Variants in TSPEAR observed in about 807,000 individuals in gnomAD.
TSPEAR encodes the protein thrombospondin-type laminin G domain and EAR repeat-containing protein.
Under a neutral mutation model 71.6 loss-of-function variants are expected in TSPEAR, and 69 were observed. The ratio of observed to expected loss-of-function variants is 0.96; its 90% CI spans 0.79 to 1.18. The LOEUF is 1.18. TSPEAR is among the 50% of genes most tolerant of loss of function. The pLI, the probability that TSPEAR is intolerant of heterozygous loss-of-function variation, is 0.00. For missense variants in TSPEAR, 971 were observed against 894.9 expected, an observed-to-expected ratio of 1.09 and a Z score of -1.09; for synonymous variants, 402 against 387.2, an observed-to-expected ratio of 1.04 and a Z score of -0.45.
At chr21:44,675,806 T>C in intron 1 of TSPEAR, 1 of 571,380 alleles carries the variant, frequency 1.8e-6, no homozygotes, top group Non-Finnish European at 3.2e-6. Context: ...CGGCAAACCC[T>C]TCATGTATCA....
chr21:44,626,940 G>A (rs1982829277), intron 1 of TSPEAR, among the ~76,000 whole-genome samples: 1 of 152,086 alleles, frequency 6.6e-6, no homozygotes, highest in African/African-American at 2.4e-5. Flanking sequence ...GCCCAGGTGT[G>A]ACAGGAGATT....
At chr21:44,551,421 C>G (rs1487240923) in intron 2 of TSPEAR, 1 of 1,613,110 alleles carries the variant, frequency 6.2e-7, no homozygotes, top group Non-Finnish European at 8.5e-7. Flanking sequence ...GGAGTTGGTG[C>G]AGGCGCTGGA....
chr21:44,558,867 G>A, intron 2 of TSPEAR: 1 of 992,174 alleles, frequency 1.0e-6, no homozygotes, highest in Non-Finnish European at 1.5e-6. Context: ...CTGGCTTCGA[G>A]AAGCCTTCCT....
At chr21:44,654,605 T>C in intron 1 of TSPEAR, 3 of 1,545,686 alleles carry the variant, frequency 1.9e-6, no homozygotes, top group Non-Finnish European at 2.6e-6. Context: ...GAGTGGCTGG[T>C]GTGGCACATG....
rs587755984 is a variant in TSPEAR, at chr21:44,577,046, A to G, written c.83-9041T>C. Among the ~76,000 whole-genome samples the G allele has an allele frequency of 9.2e-5, 14 of 152,366 alleles. No homozygotes were observed. In the South Asian group the frequency reaches 2.9e-3, roughly 32 times the overall value. On this transcript the variant is annotated intron_variant, in intron 1 of 11. Coordinates refer to ENST00000323084, the MANE Select transcript of TSPEAR (RefSeq NM_144991.3). ...ATAACACACTTTAAGATCTATGAGTAAAAATATAAATCACAATGGAAATTA... is the reference window on the plus strand; with the variant it reads ...ATAACACACTTTAAGATCTATGAGTGAAAATATAAATCACAATGGAAATTA...
At chr21:44,666,727 C>G in intron 1 of TSPEAR, 1 of 1,613,864 alleles carries the variant, frequency 6.2e-7, no homozygotes, top group Non-Finnish European at 8.5e-7. Flanking sequence ...GGCAGGCACA[C>G]GGCTGGCTTG....
chr21:44,517,873 G>GC (rs1569159269), intron 9 of TSPEAR: 4 of 471,154 alleles, frequency 8.5e-6, no homozygotes, highest in African/African-American at 2.0e-5. Flanking sequence ...TGGGCTCAGC[G>GC]CCCTTTCAGT....
intron 8 of TSPEAR, among the ~76,000 whole-genome samples, chr21:44,523,491 T>TCGGTCAGGTAGG (rs1338915149): frequency 6.6e-6 from 1 of 151,404 alleles, no homozygotes; most frequent in Non-Finnish European, 1.5e-5. Flanking sequence ...AGTTTGGTAG[T>TCGGTCAGGTAGG]CGGTCAGGTA....
chr21:44,590,839 T>C (rs1448518550), intron 1 of TSPEAR, among the ~76,000 whole-genome samples: 1 of 151,634 alleles, frequency 6.6e-6, no homozygotes, highest in African/African-American at 2.4e-5. Context: ...TTTCCTAAGA[T>C]GGGCCGGGGG....
At position 44,592,271 on chromosome 21, in the gene TSPEAR, AG is replaced by A. The variant is rs1555926886; in HGVS notation, c.83-24267del. 5.1e-6 allele frequency: 8 copies of A among 1,582,512 alleles called. No individual in the cohort carries two copies. The South Asian group carries it at 8.9e-5, about 18-fold the overall frequency. ...CCTGATTGGCAGGGGCTGGGCTCACAGGTCACTGGGCAGCAGGGGCTGGACA... is the reference window on the plus strand; with the variant it reads ...CCTGATTGGCAGGGGCTGGGCTCACAGTCACTGGGCAGCAGGGGCTGGACA... On this transcript the variant is annotated intron_variant, in intron 1 of 11. Coordinates refer to ENST00000323084, the MANE Select transcript of TSPEAR (RefSeq NM_144991.3).
At position 44,540,322 on chromosome 21, in the gene TSPEAR, C is replaced by T. The variant is rs1178503516; in HGVS notation, c.304-6399G>A. 2.2e-5 allele frequency: 25 copies of T among 1,124,054 alleles called. No homozygotes were observed. The East Asian group carries it at 6.4e-4, about 29-fold the overall frequency. The allele number at this position is 1,124,054 out of a possible 1,614,324, so 69.6% of individuals were successfully genotyped here. A position where few individuals can be genotyped will look rare whatever the true frequency, so the allele number is the denominator to read the frequency against. Reference sequence around the variant, plus strand: ...GCCCACAGCGTCCCCTTCCTGGTTGCTGAGAGGTGGCGTGTGTCATGACTA... The same window carrying T: ...GCCCACAGCGTCCCCTTCCTGGTTGTTGAGAGGTGGCGTGTGTCATGACTA... On this transcript the variant is annotated intron_variant, in intron 2 of 11. Transcript: ENST00000323084.
At chr21:44,661,724 G>A (rs1382629994) in intron 1 of TSPEAR, among the ~76,000 whole-genome samples, 2 of 152,208 alleles carry the variant, frequency 1.3e-5, no homozygotes, top group Non-Finnish European at 2.9e-5. Flanking sequence ...AGGTGAAGGG[G>A]GAGCAGGCAC....
chr21:44,689,113 C>T (rs1248841796), intron 1 of TSPEAR, among the ~76,000 whole-genome samples: 3 of 152,128 alleles, frequency 2.0e-5, no homozygotes, highest in African/African-American at 7.2e-5. Context: ...ACCCTCACCC[C>T]AGCCAGGAGG....
intron 1 of TSPEAR, among the ~76,000 whole-genome samples, chr21:44,640,891 A>G (rs112625673): frequency 0.022 from 3,317 of 152,086 alleles, 62 homozygotes; most frequent in Non-Finnish European, 0.033. Flanking sequence ...GAGCCATTCC[A>G]TGCCTGCAAC....
intron 2 of TSPEAR, chr21:44,558,489 G>T (rs144695928): frequency 3.1e-6 from 5 of 1,613,980 alleles, no homozygotes; most frequent in Non-Finnish European, 3.4e-6. Flanking sequence ...GCACGAGGGC[G>T]TGCAGGAGCT....
intron 1 of TSPEAR, among the ~76,000 whole-genome samples, chr21:44,664,874 G>A (rs772868561): frequency 7.2e-5 from 11 of 152,194 alleles, no homozygotes; most frequent in African/African-American, 1.2e-4. Flanking sequence ...TCCAGAGGGC[G>A]GGGGCTGAGC....
chr21:44,597,456 G>T (rs1555927768), intron 1 of TSPEAR, among the ~76,000 whole-genome samples: 1 of 133,968 alleles, frequency 7.5e-6, no homozygotes, highest in African/African-American at 3.2e-5. Context: ...TTTTTTGATG[G>T]AGTCTCACTC....
intron 2 of TSPEAR, among the ~76,000 whole-genome samples, chr21:44,545,958 C>T (rs1212436856): frequency 2.0e-5 from 3 of 151,934 alleles, no homozygotes; most frequent in Non-Finnish European, 4.4e-5. Flanking sequence ...ATCAATGAAC[C>T]CCAAAGTTGG....
chr21:44,537,076 C>T (rs139911680), intron 2 of TSPEAR, among the ~76,000 whole-genome samples: 1 of 152,184 alleles, frequency 6.6e-6, no homozygotes, highest in Non-Finnish European at 1.5e-5. Context: ...CAAGGCAAGA[C>T]AAGATGAACA....
Sources: gnomAD v4.1 joint callset for allele counts (sites outside exome capture counted in the v4.1 genomes callset) on GRCh38, gnomAD v4.1.1 for gene constraint, MANE v1.5 for transcripts, NCBI Gene and HGNC (gene_info 2026-07-23, HGNC 2026-07-21) for gene names.